Variants in ZFHX3 observed in about 807,000 individuals in gnomAD.
The protein encoded by ZFHX3 is zinc finger homeobox protein 3.
In ZFHX3, 42 loss-of-function variants were observed where a neutral mutation model predicts 279.1. The ratio of observed to expected loss-of-function variants is 0.15; its 90% CI spans 0.12 to 0.19. ZFHX3 has a LOEUF of 0.19. Ranked by LOEUF, ZFHX3 falls within the 10% of genes least tolerant of loss-of-function variation. ZFHX3 has a pLI of 1.00. For missense variants in ZFHX3, 4,981 were observed against 4,754.0 expected (o/e 1.05, Z -1.40); for synonymous variants, 2,293 against 1,957.8 (o/e 1.17, Z -4.52).
At chr16:73,122,396 A>C (rs1966510248) in intron 7 of ZFHX3, among the ~76,000 whole-genome samples, 1 of 151,334 alleles carries the variant, frequency 6.6e-6, no homozygotes, top group Non-Finnish European at 1.5e-5. Flanking sequence ...TAGTAGAGAC[A>C]GGGTTTCATC....
At chr16:73,110,751 A>G (rs1446054872) in intron 7 of ZFHX3, among the ~76,000 whole-genome samples, 1 of 151,996 alleles carries the variant, frequency 6.6e-6, no homozygotes, top group Non-Finnish European at 1.5e-5. Context: ...TTTTGTAGAG[A>G]TAGGGTCTCC....
chr16:73,625,301 C>T (rs1460826934), intron 2 of ZFHX3, among the ~76,000 whole-genome samples: 1 of 152,200 alleles, frequency 6.6e-6, no homozygotes, highest in Non-Finnish European at 1.5e-5. Context: ...AAAACAGCCA[C>T]TTCACCAATG....
Position 73,525,562 on chromosome 16 carries a change from A to T in ZFHX3, c.-1546-69304T>A, listed in dbSNP as rs532971833. 2.0e-5 allele frequency among the ~76,000 whole-genome samples: 3 copies of T among 152,324 alleles called. No individual in the cohort carries two copies. In the South Asian group the frequency reaches 6.2e-4, roughly 32 times the overall value. The stretch of plus-strand genomic sequence containing the variant: ...ACATCCAGTGCTTAATTTCAGGTAC[A>T]GACAACATGCATCTTGGTACAAGGG... On this transcript the variant is annotated intron_variant, in intron 2 of 17. Transcript: ENST00000641206.
intron 1 of ZFHX3, among the ~76,000 whole-genome samples, chr16:73,862,926 A>C (rs990808552): frequency 6.6e-6 from 1 of 152,170 alleles, no homozygotes; most frequent in African/African-American, 2.4e-5. Context: ...AATTAGTAGA[A>C]GCATGGCCAG....
At chr16:72,885,986 A>G (rs2038612385) in intron 4 of ZFHX3, among the ~76,000 whole-genome samples, 1 of 152,202 alleles carries the variant, frequency 6.6e-6, no homozygotes, top group Non-Finnish European at 1.5e-5. Context: ...GGAATAGTCT[A>G]TAAAGTCGAT....
chr16:73,619,685 A>G (rs1262971008), intron 2 of ZFHX3, among the ~76,000 whole-genome samples: 1 of 151,934 alleles, frequency 6.6e-6, no homozygotes, highest in Non-Finnish European at 1.5e-5. Flanking sequence ...CCAGGCTTAA[A>G]TGCAGACATT....
At chr16:73,028,715 C>A in intron 1 of ZFHX3, among the ~76,000 whole-genome samples, 1 of 152,206 alleles carries the variant, frequency 6.6e-6, no homozygotes, top group East Asian at 1.9e-4. Flanking sequence ...CTTTGCTTCT[C>A]CGGGCCCATC....
At chr16:72,907,352 G>C (rs2059830928) in intron 3 of ZFHX3, among the ~76,000 whole-genome samples, 1 of 152,002 alleles carries the variant, frequency 6.6e-6, no homozygotes, top group South Asian at 2.1e-4. Context: ...CATTCCTGCT[G>C]CTTCTTTCCT....
chr16:73,639,202 C>G (rs1019979289), intron 2 of ZFHX3, among the ~76,000 whole-genome samples: 1 of 152,172 alleles, frequency 6.6e-6, no homozygotes, highest in East Asian at 1.9e-4. Flanking sequence ...TTATCCACAG[C>G]TTAATCAAGT....
chr16:73,435,959 T>G (rs972934271), intron 3 of ZFHX3, among the ~76,000 whole-genome samples: 2 of 152,254 alleles, frequency 1.3e-5, no homozygotes, highest in Non-Finnish European at 2.9e-5. Context: ...CACGGCCCAG[T>G]GCACTAGGGA....
At chr16:72,913,077 T>C (rs74028150) in intron 3 of ZFHX3, among the ~76,000 whole-genome samples, 6,517 of 152,322 alleles carry the variant, frequency 0.043, 442 homozygotes, top group African/African-American at 0.14. Context: ...TTTGAAATTT[T>C]TGTGTCTGAA....
chr16:73,424,761 A>C (rs2017781443), intron 3 of ZFHX3, among the ~76,000 whole-genome samples: 1 of 72,566 alleles, frequency 1.4e-5, no homozygotes, highest in Non-Finnish European at 5.3e-5. Flanking sequence ...GTCAAAAAAA[A>C]AAAAAAAAAA....
intron 3 of ZFHX3, among the ~76,000 whole-genome samples, chr16:73,438,852 T>G (rs2018039389): frequency 6.6e-6 from 1 of 152,192 alleles, no homozygotes; most frequent in African/African-American, 2.4e-5. Flanking sequence ...GACAGTGTTT[T>G]CCAATGGAGA....
chr16:73,509,166 G>C (rs183755954), intron 2 of ZFHX3, among the ~76,000 whole-genome samples: 193 of 152,234 alleles, frequency 1.3e-3, no homozygotes, highest in Non-Finnish European at 6.0e-4. Flanking sequence ...GTGACTACTG[G>C]AATGGAATGC....
At chr16:72,880,057 A>G (rs774919536) in intron 4 of ZFHX3, among the ~76,000 whole-genome samples, 4 of 152,132 alleles carry the variant, frequency 2.6e-5, no homozygotes, top group Non-Finnish European at 4.4e-5. Context: ...GCAGTAGTTA[A>G]TCCCATGCCA....
At chr16:73,226,538 T>C (rs1009943742) in intron 5 of ZFHX3, among the ~76,000 whole-genome samples, 9 of 152,382 alleles carry the variant, frequency 5.9e-5, no homozygotes, top group African/African-American at 1.4e-4. Context: ...ATTAGGCATA[T>C]GTGTCTCGGC....
chr16:73,430,678 C>A (rs1387579262), intron 3 of ZFHX3, among the ~76,000 whole-genome samples: 1 of 152,184 alleles, frequency 6.6e-6, no homozygotes, highest in African/African-American at 2.4e-5. Flanking sequence ...TTAATGTCCC[C>A]ATCACTGAAA....
At chr16:72,918,379 T>C (rs913509421) in intron 3 of ZFHX3, among the ~76,000 whole-genome samples, 18 of 152,216 alleles carry the variant, frequency 1.2e-4, no homozygotes, top group African/African-American at 4.3e-4. Flanking sequence ...GGCATCTTCA[T>C]ACAATAATAC....
chr16:73,667,410 T>C (rs1004038706), intron 2 of ZFHX3, among the ~76,000 whole-genome samples: 2 of 152,214 alleles, frequency 1.3e-5, no homozygotes. Flanking sequence ...ACATAAGTTT[T>C]TATTTCTCTT....
Sources: gnomAD v4.1 joint callset for allele counts (sites outside exome capture counted in the v4.1 genomes callset) on GRCh38, gnomAD v4.1.1 for gene constraint, MANE v1.5 for transcripts, NCBI Gene and HGNC (gene_info 2026-07-23, HGNC 2026-07-21) for gene names.